Variants in FAM227A observed in about 807,000 individuals in gnomAD.
The protein encoded by FAM227A is protein FAM227A.
Under a neutral mutation model 74.7 loss-of-function variants are expected in FAM227A, and 80 were observed. The observed-to-expected ratio is 1.07, with a 90% CI of 0.89 to 1.29. The LOEUF (loss-of-function observed/expected upper bound fraction) is 1.29. Among genes scored for constraint, FAM227A ranks in the 50% most tolerant of loss-of-function variants. FAM227A has a pLI of 0.00. For missense variants in FAM227A, 654 were observed against 683.4 expected (o/e 0.96, Z 0.48); for synonymous variants, 237 against 241.8 (o/e 0.98, Z 0.19).
At chr22:38,633,926 A>G (rs2091957031) in intron 6 of FAM227A, among the ~76,000 whole-genome samples, 1 of 151,782 alleles carries the variant, frequency 6.6e-6, no homozygotes, top group South Asian at 2.1e-4. Flanking sequence ...ACTTACATAG[A>G]TTGAATTATT....
chr22:38,656,013 T>G (rs1442558671), intron 1 of FAM227A, 107 bp downstream of exon 1: 1 of 152,294 alleles, frequency 6.6e-6, no homozygotes, highest in Non-Finnish European at 1.5e-5. Flanking sequence ...AACCTTTAAG[T>G]AGTCCCTGGG....
rs146053117 is a variant in FAM227A at position 38,617,763 on chromosome 22, C to T, written c.1038+2449G>A. On this transcript the variant is annotated intron_variant, in intron 11 of 16. Coordinates refer to ENST00000535113, the MANE Select transcript of FAM227A (RefSeq NM_001013647.2). The stretch of plus-strand genomic sequence containing the variant: ...CCTATAATTGAAGCACTTCAGGAGG[C>T]TAAAGTAGGAGGATTGCTTGAGCTA... 3.5e-4 allele frequency among the ~76,000 whole-genome samples: 53 copies of T among 152,196 alleles called. 3 individuals carry two copies. The East Asian group carries it at 9.7e-3, about 28-fold the overall frequency.
chr22:38,587,438 C>G (rs1054886102), intron 16 of FAM227A, among the ~76,000 whole-genome samples: 3 of 152,036 alleles, frequency 2.0e-5, no homozygotes, highest in Non-Finnish European at 4.4e-5. Context: ...AGAAATAAAG[C>G]TTGTAAGAGA....
chr22:38,626,634 C>T (rs1345978823), intron 8 of FAM227A, among the ~76,000 whole-genome samples: 3 of 150,838 alleles, frequency 2.0e-5, no homozygotes, highest in Admixed American at 1.3e-4. Flanking sequence ...GAGGCCGAGG[C>T]GGGTGGATCA....
chr22:38,584,301 C>G lies in FAM227A; in HGVS notation c.*1824G>C, dbSNP rs1023652365. 2 of 152,100 alleles carry G rather than the reference C, an allele frequency of 1.3e-5. No individual in the cohort carries two copies. The highest frequency in any genetic ancestry group is 2.9e-5 in the Non-Finnish European group (2 of 68,030). The allele number at this position is 152,100 out of a possible 1,614,324, so 9.4% of individuals were successfully genotyped here. A position where few individuals can be genotyped will look rare whatever the true frequency, so the allele number is the denominator to read the frequency against. On this transcript the variant is annotated 3_prime_UTR_variant, in exon 17 of 17. Transcript: ENST00000535113. ...TCTAGCAAATACCTAATCATCCCCC[C>G]CAAGTCCGTTTCTTCCTAGGAGAAA... is the stretch of plus-strand genomic sequence containing the variant.
Position 38,585,910 on chromosome 22 carries a change from C to A in FAM227A, c.*215G>T. 1.8e-6 allele frequency: 2 copies of A among 1,083,352 alleles called. No homozygotes were observed. Among genetic ancestry groups the A allele is most frequent in the South Asian group, 1.8e-5 (1 of 55,058 alleles). The allele number at this position is 1,083,352 out of a possible 1,614,324, so 67.1% of individuals were successfully genotyped here. A position where few individuals can be genotyped will look rare whatever the true frequency, so the allele number is the denominator to read the frequency against. ...GTAATAAAATACTGAAAGAGTAAAT[C>A]TATGAATAAATGTAGTGACCCAAGC... On this transcript the variant is annotated 3_prime_UTR_variant, in exon 17 of 17. Transcript: ENST00000535113.
At chr22:38,626,849 CA>C (rs1488955649) in intron 8 of FAM227A, among the ~76,000 whole-genome samples, 1 of 99,040 alleles carries the variant, frequency 1.0e-5, no homozygotes, top group Non-Finnish European at 1.8e-5. Context: ...GCCTGGGCGA[CA>C]GAGAGACTCT....
intron 13 of FAM227A, among the ~76,000 whole-genome samples, chr22:38,603,068 T>G (rs2091210531): frequency 6.6e-6 from 1 of 152,078 alleles, no homozygotes; most frequent in African/African-American, 2.4e-5. Flanking sequence ...GAGGTGGGGT[T>G]TCGCCATGTT....
rs1376116131 is a variant in FAM227A, at chr22:38,607,506, G to A, written c.1039-30C>T. ...AGGAGACAAGAGAGAGAAAGAGAGG[G>A]AGAAAGCGAGAGAGAGAGAACAAAA... On this transcript the variant is annotated intron_variant, in intron 11 of 16. Coordinates refer to ENST00000535113, the MANE Select transcript of FAM227A (RefSeq NM_001013647.2). The A allele has an allele frequency of 1.0e-5, 14 of 1,380,002 alleles. 1 individual carries two copies. In the Admixed American group the frequency reaches 1.6e-4, roughly 16 times the overall value. 85.5% of individuals were successfully genotyped at this position (1,380,002 alleles called of 1,614,324 possible). A position where few individuals can be genotyped will look rare whatever the true frequency, so the allele number is the denominator to read the frequency against.
intron 15 of FAM227A, among the ~76,000 whole-genome samples, chr22:38,595,976 G>GC (rs2091036321): frequency 6.6e-6 from 1 of 151,018 alleles, no homozygotes; most frequent in African/African-American, 2.4e-5. Context: ...AATAAGGGGG[G>GC]GGGGGCAGGA....
intron 6 of FAM227A, 67 bp from the exon 7 acceptor site, chr22:38,629,002 G>A (rs1156754652): frequency 2.0e-6 from 2 of 1,016,182 alleles, no homozygotes; most frequent in East Asian, 2.6e-5. Flanking sequence ...TGGAGTCAAT[G>A]TATTTTAGAA....
intron 2 of FAM227A, among the ~76,000 whole-genome samples, chr22:38,648,921 G>A (rs1047038710): frequency 4.6e-5 from 7 of 151,166 alleles, no homozygotes; most frequent in African/African-American, 1.5e-4. Context: ...GCAGTGAGCC[G>A]AGTCTATGCC....
At chr22:38,617,363 T>C (rs1177163396) in intron 11 of FAM227A, among the ~76,000 whole-genome samples, 1 of 148,302 alleles carries the variant, frequency 6.7e-6, no homozygotes, top group African/African-American at 2.5e-5. Flanking sequence ...CGGCACGATC[T>C]CAGCTCACAG....
In FAM227A at chr22:38,625,932, G is replaced by C. The variant is rs1256077298; in HGVS notation, c.850+248C>G. 8.2e-5 allele frequency among the ~76,000 whole-genome samples: 11 copies of C among 133,572 alleles called. No homozygotes were observed. In the Admixed American group the frequency reaches 8.8e-4, roughly 11 times the overall value. 87.6% of individuals were successfully genotyped at this position (133,572 alleles called of 152,430 possible). The stretch of plus-strand genomic sequence containing the variant: ...CACTCCAGCCTGGGTGACCGAGCGA[G>C]ACTCTATCTCCAAAAAAAAAAAAAA... On this transcript the variant is annotated intron_variant, in intron 9 of 16. Transcript: ENST00000535113.
chr22:38,636,114 G>GAA (rs2092001713), intron 6 of FAM227A, among the ~76,000 whole-genome samples: 1 of 150,340 alleles, frequency 6.7e-6, no homozygotes, highest in Admixed American at 6.6e-5. Flanking sequence ...AAACAGAAAA[G>GAA]AAAAGAAAAA....
intron 16 of FAM227A, among the ~76,000 whole-genome samples, chr22:38,589,396 T>A (rs537803406): frequency 6.6e-6 from 1 of 152,102 alleles, no homozygotes. Flanking sequence ...AAGAGGAGAA[T>A]GAAGAAAGAT....
At chr22:38,636,122 A>AAG (rs1555970543) in intron 6 of FAM227A, among the ~76,000 whole-genome samples, 7,839 of 151,830 alleles carry the variant, frequency 0.052, 391 homozygotes, top group African/African-American at 0.12. Context: ...AAGAAAAGAA[A>AAG]AAAGAGAGAT....
At chr22:38,650,730 A>G (rs916208613) in intron 1 of FAM227A, among the ~76,000 whole-genome samples, 4 of 152,108 alleles carry the variant, frequency 2.6e-5, no homozygotes, top group African/African-American at 9.7e-5. Flanking sequence ...CTCCTGATCA[A>G]CCTGAAGCTT....
intron 15 of FAM227A, among the ~76,000 whole-genome samples, chr22:38,593,415 G>A (rs1287831831): frequency 6.6e-6 from 1 of 152,222 alleles, no homozygotes; most frequent in Non-Finnish European, 1.5e-5. Context: ...TGAGGCAGGA[G>A]AACGGCATGA....
Sources: gnomAD v4.1 joint callset for allele counts (sites outside exome capture counted in the v4.1 genomes callset) on GRCh38, gnomAD v4.1.1 for gene constraint, MANE v1.5 for transcripts, NCBI Gene and HGNC (gene_info 2026-07-23, HGNC 2026-07-21) for gene names.